The following CELF2 variants were observed in gnomAD, a reference collection of about 807,000 sequenced individuals.
The protein encoded by CELF2 is CUG triplet repeat RNA-binding protein 2.
A neutral mutation model predicts 62.6 loss-of-function variants in CELF2; 8 were observed. The ratio of observed to expected loss-of-function variants is 0.13; its 90% CI spans 0.07 to 0.23. The LOEUF is 0.23. CELF2 is among the 10% of genes least tolerant of loss of function. The pLI is 1.00. For missense variants in CELF2, 333 were observed against 671.0 expected (o/e 0.50, Z 5.56); for synonymous variants, 258 against 250.0 (o/e 1.03, Z -0.30).
rs2075102695 is a variant in CELF2 at position 11,244,756 on chromosome 10, T to A, written c.355-4397T>A. 6.6e-6 allele frequency among the ~76,000 whole-genome samples: 1 copy of A among 152,154 alleles called. No individual in the cohort carries two copies. Among genetic ancestry groups the A allele is most frequent in the African/African-American group, 2.4e-5 (1 of 41,424 alleles). Reference sequence around the variant, plus strand: ...TGTTCTTGATCAACAGTAGGGCCTATTTTCTCTTATTCTGTGCCTCCAAAT... The same window carrying A: ...TGTTCTTGATCAACAGTAGGGCCTAATTTCTCTTATTCTGTGCCTCCAAAT... On this transcript the variant is annotated intron_variant, in intron 3 of 12. Coordinates refer to ENST00000633077, the MANE Select transcript of CELF2 (RefSeq NM_001326342.2). This position sits in a 1 kb window ranked among gnomAD's most constrained non-coding sequence, Gnocchi z 4.2.
chr10:10,647,318 A>G, the CELF2 span, among the ~76,000 whole-genome samples: 3 of 151,976 alleles, frequency 2.0e-5, no homozygotes, highest in Admixed American at 2.0e-4. Flanking sequence ...CTTTGAACCC[A>G]CTGCCCGCCC....
At chr10:10,509,696 T>C in the CELF2 span, among the ~76,000 whole-genome samples, 8 of 152,198 alleles carry the variant, frequency 5.3e-5, no homozygotes, top group Non-Finnish European at 7.3e-5. Flanking sequence ...GTGTCTCTGC[T>C]GCCATCTCTT....
the CELF2 span, among the ~76,000 whole-genome samples, chr10:10,472,661 C>T: frequency 6.6e-6 from 1 of 151,770 alleles, no homozygotes; most frequent in Non-Finnish European, 1.5e-5. Context: ...TGAAGGTAAT[C>T]CACTGTCATG....
In CELF2 at chr10:11,315,156, C is replaced by G. The variant is rs2094859448; in HGVS notation, c.1096+898C>G. Among the ~76,000 whole-genome samples the G allele has an allele frequency of 6.6e-6, 1 of 152,144 alleles. No individual in the cohort carries two copies. Among genetic ancestry groups the G allele is most frequent in the Non-Finnish European group, 1.5e-5 (1 of 68,030 alleles). Reference sequence around the variant, plus strand: ...TTCCTGTACTGAGGAAACTGATCCTCAGCCCACAGCGGGGACATGTAATTT... The same window carrying G: ...TTCCTGTACTGAGGAAACTGATCCTGAGCCCACAGCGGGGACATGTAATTT... On this transcript the variant is annotated intron_variant, in intron 10 of 12. Coordinates refer to ENST00000633077, the MANE Select transcript of CELF2 (RefSeq NM_001326342.2). The surrounding 1 kb of genome is among the most constrained non-coding windows in gnomAD (Gnocchi z 5.8).
At chr10:11,067,330 T>G (rs1201353936) in intron 1 of CELF2, among the ~76,000 whole-genome samples, 1 of 152,234 alleles carries the variant, frequency 6.6e-6, no homozygotes, top group Non-Finnish European at 1.5e-5. Context: ...GAAATATATT[T>G]TTGAAGTGCC....
At chr10:11,210,159 G>A (rs971425735) in intron 2 of CELF2, among the ~76,000 whole-genome samples, 3 of 152,036 alleles carry the variant, frequency 2.0e-5, no homozygotes, top group Non-Finnish European at 4.4e-5. Context: ...AATATAACTC[G>A]AGTTGAAGTT....
At chr10:10,626,313 A>C in the CELF2 span, among the ~76,000 whole-genome samples, 1 of 152,176 alleles carries the variant, frequency 6.6e-6, no homozygotes, top group African/African-American at 2.4e-5. Context: ...TCATGTCAAG[A>C]TCTCCCCATG....
intron 1 of CELF2, among the ~76,000 whole-genome samples, chr10:10,807,453 C>T (rs1018832232): frequency 6.6e-6 from 1 of 152,186 alleles, no homozygotes; most frequent in Non-Finnish European, 1.5e-5. Context: ...AAGCCTTGAA[C>T]ATATAAACCA....
intron 1 of CELF2, among the ~76,000 whole-genome samples, chr10:11,060,831 T>A (rs2066542077): frequency 6.6e-6 from 1 of 152,236 alleles, no homozygotes; most frequent in Admixed American, 6.5e-5. Context: ...TCTTTGGTGT[T>A]ACTATTGTAA....
Position 10,924,724 on chromosome 10 carries a change from C to CTTTTTTTTTTT in CELF2, c.89+4733_89+4743dup, listed in dbSNP as rs745848953. On this transcript the variant is annotated intron_variant, in intron 2 of 13. Transcript: ENST00000636488. ...GTATATTAATCCAGTAACTTGATCG[C>CTTTTTTTTTTT]TTTTTTTTTTTTTTTTTTGCCTTCT... Among the ~76,000 whole-genome samples, 425 of 89,132 alleles carry CTTTTTTTTTTT rather than the reference C, an allele frequency of 4.8e-3. 61 individuals carry two copies. Among genetic ancestry groups the CTTTTTTTTTTT allele is most frequent in the African/African-American group, 0.018 (370 of 21,126 alleles). The allele number at this position is 89,132 out of a possible 152,430, so 58.5% of individuals were successfully genotyped here.
the CELF2 span, among the ~76,000 whole-genome samples, chr10:10,549,039 A>G: frequency 6.6e-6 from 1 of 152,156 alleles, no homozygotes; most frequent in Admixed American, 6.5e-5. Context: ...TTAGATCACA[A>G]TTCTTTTTCT....
the CELF2 span, among the ~76,000 whole-genome samples, chr10:10,506,992 C>G: frequency 6.6e-6 from 1 of 152,002 alleles, no homozygotes. Flanking sequence ...AAGCCACGTT[C>G]CACAGCGGAG....
At chr10:10,836,713 GCAACC>G (rs2058317137) in intron 1 of CELF2, among the ~76,000 whole-genome samples, 2 of 152,294 alleles carry the variant, frequency 1.3e-5, no homozygotes, top group South Asian at 4.1e-4. Flanking sequence ...TTGGCTCACT[GCAACC>G]TCTGCCTCCC....
At chr10:10,668,589 C>G in the CELF2 span, among the ~76,000 whole-genome samples, 11 of 152,336 alleles carry the variant, frequency 7.2e-5, no homozygotes, top group African/African-American at 2.4e-4. Context: ...TGTTTTTACT[C>G]TCTCTGACAC....
chr10:10,522,742 A>T, the CELF2 span, among the ~76,000 whole-genome samples: 869 of 152,020 alleles, frequency 5.7e-3, 11 homozygotes, highest in African/African-American at 0.02. Context: ...GCTAATTTTT[A>T]TATTTTTAGT....
rs911290399 is a variant in CELF2, at chr10:11,255,987, C to G, written c.404-1751C>G. Among the ~76,000 whole-genome samples, 2 of 152,124 alleles carry G rather than the reference C, an allele frequency of 1.3e-5. No individual in the cohort carries two copies. The highest frequency in any genetic ancestry group is 2.4e-5 in the African/African-American group (1 of 41,430). ...TGGGAGGAGGACTCCAGGCTGTGGG[C>G]CAGGCTGGATGACCCTAGGCAGGTC... is the stretch of plus-strand genomic sequence containing the variant. On this transcript the variant is annotated intron_variant, in intron 4 of 12. Transcript: ENST00000633077. The surrounding 1 kb of genome is among the most constrained non-coding windows in gnomAD (Gnocchi z 5.5).
At chr10:11,249,078 G>A (rs1328927874) in intron 3 of CELF2, 75 bp from the exon 4 acceptor site, 4 of 1,176,974 alleles carry the variant, frequency 3.4e-6, no homozygotes, top group African/African-American at 3.0e-5. Flanking sequence ...ATCAGTAATC[G>A]AATTGCTGCA....
rs368115545 is a variant in CELF2, at chr10:11,270,594, G to C, written c.619-72G>C. Reference sequence around the variant, plus strand: ...CAGGCTAGTGCAGAAAGGTAGCTCCGGTGCTGAGTGTCGTGAGCGGATTCC... The same window carrying C: ...CAGGCTAGTGCAGAAAGGTAGCTCCCGTGCTGAGTGTCGTGAGCGGATTCC... On this transcript the variant is annotated intron_variant, in intron 6 of 12. Transcript: ENST00000633077. This position sits in a 1 kb window ranked among gnomAD's most constrained non-coding sequence, Gnocchi z 5.8. 2.3e-6 allele frequency: 3 copies of C among 1,297,160 alleles called. No homozygotes were observed. Among genetic ancestry groups the C allele is most frequent in the Non-Finnish European group, 2.0e-6 (2 of 991,486 alleles). 80.4% of individuals were successfully genotyped at this position (1,297,160 alleles called of 1,614,324 possible).
intron 1 of CELF2, among the ~76,000 whole-genome samples, chr10:10,812,947 C>A (rs762940616): frequency 1.3e-5 from 2 of 152,152 alleles, no homozygotes; most frequent in Non-Finnish European, 1.5e-5. Flanking sequence ...AGATATTGAA[C>A]CAGGATTGCC....
Sources: gnomAD v4.1 joint callset for allele counts (sites outside exome capture counted in the v4.1 genomes callset) on GRCh38, gnomAD v4.1.1 for gene constraint, Gnocchi (gnomAD v3.1) non-coding constraint, MANE v1.5 for transcripts, NCBI Gene and HGNC (gene_info 2026-07-23, HGNC 2026-07-21) for gene names.